Variants in ERG observed in about 807,000 individuals in gnomAD.
The protein encoded by ERG is transcriptional regulator ERG.
In ERG, 9 loss-of-function variants were observed where a neutral mutation model predicts 55.3. The observed-to-expected ratio is 0.16, with a 90% CI of 0.10 to 0.28. ERG has a LOEUF of 0.28. ERG is among the 10% of genes least tolerant of loss of function. The pLI, the probability that ERG is intolerant of heterozygous loss-of-function variation, is 1.00. For synonymous variants in ERG, 223 were observed against 237.3 expected (o/e 0.94, Z 0.55); for missense variants, 434 against 631.6 (o/e 0.69, Z 3.35).
rs554319800 is a variant in ERG at position 38,590,412 on chromosome 21, G to A, written c.-149-5467C>T. ...CAAGGAAGCACGCTGCAGGGAAAGA[G>A]TCTTTCACCTGTATGTCCCACAAGG... On this transcript the variant is annotated intron_variant, in intron 1 of 10. Coordinates refer to the ERG transcript ENST00000398910. Among the ~76,000 whole-genome samples, 52 of 152,318 alleles carry A rather than the reference G, an allele frequency of 3.4e-4. 1 individual carries two copies. The highest frequency in any genetic ancestry group is 1.2e-3 in the African/African-American group (50 of 41,580).
At chr21:38,647,432 T>C (rs2060463905) in intron 1 of ERG, among the ~76,000 whole-genome samples, 1 of 152,224 alleles carries the variant, frequency 6.6e-6, no homozygotes, top group South Asian at 2.1e-4. Flanking sequence ...CTTTTCTGTA[T>C]AAAGCACAGA....
chr21:38,609,623 G>C (rs1239049850), intron 1 of ERG, among the ~76,000 whole-genome samples: 4 of 152,146 alleles, frequency 2.6e-5, no homozygotes, highest in African/African-American at 9.7e-5. Flanking sequence ...CTTGCAAAAG[G>C]ATATGTATAG....
chr21:38,480,301 C>G (rs929358904), intron 1 of ERG, among the ~76,000 whole-genome samples: 2 of 152,100 alleles, frequency 1.3e-5, no homozygotes, highest in African/African-American at 4.8e-5. Flanking sequence ...AAAGTGGAAT[C>G]GCGGATAAGA....
At chr21:38,596,036 T>C (rs939120163) in intron 1 of ERG, among the ~76,000 whole-genome samples, 2 of 126,556 alleles carry the variant, frequency 1.6e-5, no homozygotes, top group African/African-American at 3.0e-5. Context: ...ATCCTCTCTA[T>C]ATAAAAATTG....
intron 1 of ERG, among the ~76,000 whole-genome samples, chr21:38,479,432 AC>A (rs778787588): frequency 6.6e-6 from 1 of 152,194 alleles, no homozygotes; most frequent in Non-Finnish European, 1.5e-5. Flanking sequence ...TCAGAATATG[AC>A]CTTATTTAGA....
chr21:38,539,127 A>C lies in ERG; in HGVS notation c.-41+36535T>G, dbSNP rs753453562. 2.2e-4 allele frequency among the ~76,000 whole-genome samples: 33 copies of C among 152,326 alleles called. 1 individual carries two copies. Among genetic ancestry groups the C allele is most frequent in the Admixed American group, 1.2e-3 (19 of 15,308 alleles). On this transcript the variant is annotated intron_variant, in intron 2 of 8. Transcript: ENST00000398897. ...ATGCTGAGGCTGTAAACTAATGCAT[A>C]ATGTGATGTTTATCATTCTTCACCT... is the stretch of plus-strand genomic sequence containing the variant.
intron 1 of ERG, among the ~76,000 whole-genome samples, chr21:38,624,474 A>T (rs1480130992): frequency 6.6e-6 from 1 of 151,684 alleles, no homozygotes; most frequent in Non-Finnish European, 1.5e-5. Flanking sequence ...AAATAAAAAA[A>T]CTCTCCTCCC....
At chr21:38,423,626 C>T (rs1989657360) in intron 2 of ERG, 65 bp from the exon 3 acceptor site, 1 of 1,501,724 alleles carries the variant, frequency 6.7e-7, no homozygotes, top group Non-Finnish European at 9.1e-7. Context: ...ATCGACTTCT[C>T]ACAATACACA....
In ERG at chr21:38,403,659, C is replaced by T. The variant is rs1988621553; in HGVS notation, c.439G>A (p.Val147Met). 6.2e-6 allele frequency: 10 copies of T among 1,614,054 alleles called. No homozygotes were observed. The Admixed American group carries it at 6.7e-5, about 11-fold the overall frequency. The change falls in exon 4 of 10, where the codon GTG becomes ATG. Residue 147 changes from valine to methionine, a missense_variant. Transcript: ENST00000288319. ...DHVRQWLEWA[V>M]KEYGLPDVNI... ...ACGTCTGGAAGGCCATATTCTTTCA[C>T]CGCCCACTCCAGCCACTGCCGCACA...
intron 2 of ERG, among the ~76,000 whole-genome samples, chr21:38,442,814 T>A (rs952259413): frequency 3.3e-5 from 5 of 152,156 alleles, no homozygotes; most frequent in Admixed American, 6.5e-5. Flanking sequence ...TATTTTTTAT[T>A]TTTATTTTTT....
intron 2 of ERG, among the ~76,000 whole-genome samples, chr21:38,434,377 G>A (rs1352113140): frequency 6.6e-6 from 1 of 152,094 alleles, no homozygotes; most frequent in African/African-American, 2.4e-5. Context: ...ATGACCACCT[G>A]ATACCTGCCC....
intron 3 of ERG, among the ~76,000 whole-genome samples, chr21:38,407,634 G>GTATGTATATA (rs1555894516): frequency 1.2e-3 from 4 of 3,298 alleles, no homozygotes; most frequent in Non-Finnish European, 5.9e-3. Context: ...CTTACAAAAG[G>GTATGTATATA]TATATATATA....
chr21:38,385,160 T>TA (rs1987635028), intron 9 of ERG, among the ~76,000 whole-genome samples: 1 of 152,224 alleles, frequency 6.6e-6, no homozygotes, highest in Non-Finnish European at 1.5e-5. Context: ...GCTGCTATGT[T>TA]ACAATACTTG....
chr21:38,583,789 A>C (rs549053838), intron 1 of ERG, among the ~76,000 whole-genome samples: 11 of 152,230 alleles, frequency 7.2e-5, no homozygotes, highest in Non-Finnish European at 1.6e-4. Context: ...GTGTGAAGAC[A>C]CAGGGAAAAG....
At chr21:38,379,530 A>G (rs984927564), downstream of ERG, among the ~76,000 whole-genome samples, 5 of 152,196 alleles carry the variant, frequency 3.3e-5, no homozygotes, top group Non-Finnish European at 7.3e-5. Flanking sequence ...GTTTCTACAT[A>G]TAACATGCTT....
chr21:38,453,339 A>T (rs893227236), intron 1 of ERG, among the ~76,000 whole-genome samples: 1 of 152,258 alleles, frequency 6.6e-6, no homozygotes, highest in South Asian at 2.1e-4. Context: ...GGAGCATGGT[A>T]GAAAAATGTT....
intron 3 of ERG, 68 bp downstream of exon 3, chr21:38,423,342 C>A: frequency 6.5e-7 from 1 of 1,527,820 alleles, no homozygotes; most frequent in Non-Finnish European, 8.9e-7. Flanking sequence ...AGAAGAGCTC[C>A]CTGAGGCTCA....
chr21:38,426,345 T>C lies in ERG; in HGVS notation c.237-2784A>G, dbSNP rs371485288. ...TTTCCTATTCCTCTGGAAAATTCCA[T>C]CAGTTGAGTAGAGTGTATATGTTTT... On this transcript the variant is annotated intron_variant, in intron 2 of 9. Coordinates refer to ENST00000288319, the MANE Select transcript of ERG (RefSeq NM_182918.4). Among the ~76,000 whole-genome samples the C allele has an allele frequency of 2.6e-4, 39 of 152,324 alleles. No homozygotes were observed. The East Asian group carries it at 6.2e-3, about 24-fold the overall frequency.
chr21:38,397,615 AAAAG>A (rs1988292252), intron 6 of ERG, among the ~76,000 whole-genome samples: 1 of 150,628 alleles, frequency 6.6e-6, no homozygotes, highest in East Asian at 1.9e-4. Context: ...AAAAAAAAAA[AAAAG>A]AAGAGAAAAG....
Sources: allele counts gnomAD v4.1 joint callset (sites outside exome capture counted in the v4.1 genomes callset), GRCh38; gene constraint gnomAD v4.1.1; transcripts MANE v1.5; gene names NCBI Gene and HGNC (gene_info 2026-07-23, HGNC 2026-07-21).